The following BMPR1A variants were observed in gnomAD, a reference collection of about 807,000 sequenced individuals.
BMPR1A encodes bone morphogenetic protein receptor type 1A.
BMPR1A carries 7 observed loss-of-function variants against 66.0 expected under a neutral mutation model. The observed-to-expected ratio is 0.11, with a 90% CI of 0.06 to 0.20. The LOEUF (loss-of-function observed/expected upper bound fraction) is 0.20. BMPR1A is among the 10% of genes least tolerant of loss of function. The pLI is 1.00. For missense variants in BMPR1A, 408 were observed against 669.1 expected (o/e 0.61, Z 4.31); for synonymous variants, 200 against 229.7 (o/e 0.87, Z 1.17).
chr10:86,877,575 A>G (rs779570738), intron 3 of BMPR1A, among the ~76,000 whole-genome samples: 5 of 152,216 alleles, frequency 3.3e-5, no homozygotes, highest in East Asian at 3.8e-4. Context: ...CCTTAGTATT[A>G]TAACAATATC....
At chr10:86,919,668 A>G (rs1843632385) in intron 10 of BMPR1A, among the ~76,000 whole-genome samples, 199 bp downstream of exon 10, 1 of 151,216 alleles carries the variant, frequency 6.6e-6, no homozygotes, top group South Asian at 2.1e-4. Flanking sequence ...TGATATATAT[A>G]TATTTTTTTG....
chr10:86,849,421 T>C (rs1407274602), intron 2 of BMPR1A, among the ~76,000 whole-genome samples: 1 of 152,210 alleles, frequency 6.6e-6, no homozygotes, highest in Admixed American at 6.5e-5. Flanking sequence ...TGATGAAGGC[T>C]TATCTGATCC....
intron 1 of BMPR1A, among the ~76,000 whole-genome samples, chr10:86,764,038 G>A (rs1184856776): frequency 6.6e-6 from 1 of 152,040 alleles, no homozygotes; most frequent in Non-Finnish European, 1.5e-5. Context: ...TGATCCTCCC[G>A]CCTCAGCCTC....
In BMPR1A at chr10:86,909,919, C is replaced by T. The variant is rs574437090; in HGVS notation, c.531-2321C>T. 7.4e-4 allele frequency among the ~76,000 whole-genome samples: 113 copies of T among 151,692 alleles called. 1 individual carries two copies. Among genetic ancestry groups the T allele is most frequent in the African/African-American group, 2.3e-3 (97 of 41,326 alleles). On this transcript the variant is annotated intron_variant, in intron 7 of 12. Coordinates refer to ENST00000372037, the MANE Select transcript of BMPR1A (RefSeq NM_004329.3). ...GGTGGAGGGATTCCAACTGGTTCAC[C>T]CTTTAAGGAGGTCAGTAGGGCACTC... is the stretch of plus-strand genomic sequence containing the variant.
chr10:86,767,896 T>C (rs540764339), intron 1 of BMPR1A, among the ~76,000 whole-genome samples: 2 of 152,314 alleles, frequency 1.3e-5, no homozygotes, highest in African/African-American at 4.8e-5. Flanking sequence ...GACATTGTTA[T>C]AAACTATCCT....
chr10:86,895,330 G>A (rs548188943), intron 5 of BMPR1A, among the ~76,000 whole-genome samples: 2 of 151,354 alleles, frequency 1.3e-5, no homozygotes, highest in African/African-American at 4.8e-5. Context: ...CTGAGGTCAG[G>A]ACTTAGAGAC....
intron 1 of BMPR1A, among the ~76,000 whole-genome samples, chr10:86,780,023 G>C (rs1841411817): frequency 6.6e-6 from 1 of 152,104 alleles, no homozygotes; most frequent in Non-Finnish European, 1.5e-5. Context: ...CTCCCACCTT[G>C]GCCTCCCGAA....
intron 7 of BMPR1A, among the ~76,000 whole-genome samples, chr10:86,909,728 A>T (rs1264230750): frequency 6.6e-6 from 1 of 152,214 alleles, no homozygotes; most frequent in South Asian, 2.1e-4. Flanking sequence ...TTACCAAGCC[A>T]TGGAGAACTG....
At chr10:86,855,307 G>T in intron 2 of BMPR1A, 1 of 1,001,804 alleles carries the variant, frequency 1.0e-6, no homozygotes, top group Non-Finnish European at 1.4e-6. Flanking sequence ...CCCAATCAAA[G>T]TCTCCTTCAA....
At chr10:86,900,297 T>G (rs948396055) in intron 7 of BMPR1A, among the ~76,000 whole-genome samples, 171 bp downstream of exon 7, 1 of 152,214 alleles carries the variant, frequency 6.6e-6, no homozygotes, top group Non-Finnish European at 1.5e-5. Context: ...ACCAATTAAT[T>G]AATTGGGCAC....
chr10:86,797,032 T>A (rs1030084707), intron 1 of BMPR1A, among the ~76,000 whole-genome samples: 1 of 151,530 alleles, frequency 6.6e-6, no homozygotes, highest in African/African-American at 2.4e-5. Context: ...CTTCCCAGTT[T>A]ATACTCTTAT....
At chr10:86,855,281 T>C in intron 2 of BMPR1A, 1 of 1,083,212 alleles carries the variant, frequency 9.2e-7, no homozygotes, top group Non-Finnish European at 1.2e-6. Flanking sequence ...AAAACCTCAG[T>C]TTCTTCTGTC....
Position 86,927,966 on chromosome 10 carries a change from T to A in BMPR1A, c.*4247T>A, listed in dbSNP as rs1413182751. ...TTTGAAGTAAATAACCTTATTTTAG[T>A]ATACTTTAGTGATGTGTTTTGTGAT... On this transcript the variant is annotated 3_prime_UTR_variant, in exon 13 of 13. Coordinates refer to ENST00000372037, the MANE Select transcript of BMPR1A (RefSeq NM_004329.3). 1.7e-5 allele frequency: 3 copies of A among 179,644 alleles called. No individual in the cohort carries two copies. 11.1% of individuals were successfully genotyped at this position (179,644 alleles called of 1,614,324 possible).
At chr10:86,931,264 A>AAAT (rs1309700008), downstream of BMPR1A, 13 of 76,910 alleles carry the variant, frequency 1.7e-4, no homozygotes, top group South Asian at 1.5e-3. Context: ...AAGAAAAAAA[A>AAAT]ATATATATAT....
chr10:86,819,167 A>G (rs1167056713), intron 1 of BMPR1A, among the ~76,000 whole-genome samples: 1 of 151,920 alleles, frequency 6.6e-6, no homozygotes, highest in Non-Finnish European at 1.5e-5. Flanking sequence ...TATTATTATT[A>G]TTACTATTAT....
chr10:86,813,817 A>G (rs1276109232), intron 1 of BMPR1A, among the ~76,000 whole-genome samples: 1 of 152,090 alleles, frequency 6.6e-6, no homozygotes, highest in African/African-American at 2.4e-5. Flanking sequence ...CTCTATCTAC[A>G]TGGGTTCTCT....
chr10:86,856,833 G>C (rs1181803690), intron 2 of BMPR1A, among the ~76,000 whole-genome samples: 1 of 152,110 alleles, frequency 6.6e-6, no homozygotes, highest in African/African-American at 2.4e-5. Flanking sequence ...CAAATCTGGG[G>C]GTTCCCATGA....
At position 86,923,431 on chromosome 10, in the gene BMPR1A, A is replaced by C. The variant is rs56410735; in HGVS notation, c.1398A>C (p.Ser466=). 1.5e-5 allele frequency: 25 copies of C among 1,614,108 alleles called. No homozygotes were observed. In the Admixed American group the frequency reaches 4.2e-4, roughly 27 times the overall value. The change falls in exon 12 of 13, where the codon TCA becomes TCC. Residue 466 remains serine, a synonymous_variant. Coordinates refer to ENST00000372037, the MANE Select transcript of BMPR1A (RefSeq NM_004329.3). ...ACAACATGGTACCGAGTGATCCGTC[A>C]TACGAAGATATGCGTGAGGTTGTGT... ...PYYNMVPSDP[S]YEDMREVVCV... is the part of the protein sequence containing the mutation.
Position 86,892,104 on chromosome 10 carries a change from T to A in BMPR1A, c.231-23T>A, listed in dbSNP as rs746866866. ...TTCTATGTGAATTTATGTTTTGTTT[T>A]GTTTTGTTTTTTTCTGTTTTAGAAC... On this transcript the variant is annotated intron_variant, in intron 4 of 12. Coordinates refer to ENST00000372037, the MANE Select transcript of BMPR1A (RefSeq NM_004329.3). The A allele has an allele frequency of 2.5e-6, 4 of 1,576,320 alleles. No individual in the cohort carries two copies. The East Asian group carries it at 9.0e-5, about 35-fold the overall frequency.
Sources: gnomAD v4.1 joint callset for allele counts (sites outside exome capture counted in the v4.1 genomes callset) on GRCh38, gnomAD v4.1.1 for gene constraint, MANE v1.5 for transcripts, NCBI Gene and HGNC (gene_info 2026-07-23, HGNC 2026-07-21) for gene names.